Variants in ZNF594 observed in about 807,000 individuals in gnomAD.
ZNF594 encodes the protein zinc finger protein HZF18.
For missense variants in ZNF594, 1,037 were observed against 964.6 expected (o/e 1.08, Z -0.99); for synonymous variants, 336 against 309.4 (o/e 1.09, Z -0.90).
chr17:5,176,732 T>A (rs2074310539), downstream of ZNF594, among the ~76,000 whole-genome samples: 1 of 151,238 alleles, frequency 6.6e-6, no homozygotes, highest in South Asian at 2.1e-4. Flanking sequence ...AGAGAGAAAT[T>A]TACAGCCTTA....
At chr17:5,176,395 C>CAAAA (rs34510280), downstream of ZNF594, among the ~76,000 whole-genome samples, 3 of 85,616 alleles carry the variant, frequency 3.5e-5, no homozygotes, top group African/African-American at 8.9e-5. Flanking sequence ...AACTCTGTCT[C>CAAAA]AAAAAAAAAA....
chr17:5,190,192 A>C (rs1252161529), intron 1 of ZNF594, among the ~76,000 whole-genome samples: 1 of 152,134 alleles, frequency 6.6e-6, no homozygotes, highest in Non-Finnish European at 1.5e-5. Context: ...CATGGAGAGA[A>C]ATCCTGTGTC....
rs865951500 is a variant in ZNF594, at chr17:5,182,614, G to A, written c.1643C>T (p.Thr548Ile). The A allele has an allele frequency of 6.2e-7, 1 of 1,613,270 alleles. No individual in the cohort carries two copies. The highest frequency in any genetic ancestry group is 1.3e-5 in the African/African-American group (1 of 74,772). The change falls in exon 2 of 2, where the codon ACC becomes ATC. Residue 548 changes from threonine to isoleucine, a missense_variant. Coordinates refer to ENST00000575779, the MANE Select transcript of ZNF594 (RefSeq NM_032530.2). ...CCTAAGCTCCTCATCCTGGCTGAAG[G>A]TTTTCTCACATTCAAGTTTCTCTCC... is the stretch of plus-strand genomic sequence containing the variant. ...HTGEKLECEK[T>I]FSQDEELRGE...
At chr17:5,175,137 CTG>C (rs2074296212), downstream of ZNF594, 1 of 163,878 alleles carries the variant, frequency 6.1e-6, no homozygotes, top group South Asian at 2.0e-4. Flanking sequence ...GTTGGAAACT[CTG>C]TAGAGCAGGA....
Position 5,182,496 on chromosome 17 carries a change from C to G in ZNF594, c.1761G>C (p.Gln587His). 6.2e-7 allele frequency: 1 copy of G among 1,613,922 alleles called. No individual in the cohort carries two copies. Among genetic ancestry groups the G allele is most frequent in the Non-Finnish European group, 8.5e-7 (1 of 1,179,994 alleles). The change falls in exon 2 of 2, where the codon CAG (glutamine) becomes CAC (histidine). Residue 587 changes from glutamine to histidine, a missense_variant. By Grantham distance (24) the Gln-to-His change is conservative. Transcript: ENST00000575779. ...ATGGTTTCTCTCTTGTATGAGTTAC[C>G]TGATGTCTGATGAGGTCTGAGCTGC... ...FQGSSDLIRH[Q>H]VTHTREKPYE...
In ZNF594 at chr17:5,184,029, G is replaced by T; in HGVS notation, c.228C>A (p.Ala76=). 6.2e-7 allele frequency: 1 copy of T among 1,614,108 alleles called. No homozygotes were observed. The highest frequency in any genetic ancestry group is 8.5e-7 in the Non-Finnish European group (1 of 1,180,010). The change falls in exon 2 of 2, where the codon GCC becomes GCA. Residue 76 remains alanine, a synonymous_variant. Transcript: ENST00000575779. ...ATCCATGGCCAATCTCTCCCACAAT[G>T]GCTTTCTGGGGGATAATATGCATTT... The part of the protein sequence containing the change: ...IREMHIIPQK[A]IVGEIGHGCN...
intron 1 of ZNF594, among the ~76,000 whole-genome samples, chr17:5,189,952 C>T (rs1278276098): frequency 2.0e-5 from 3 of 152,116 alleles, no homozygotes; most frequent in African/African-American, 7.2e-5. Context: ...ATAATCACTA[C>T]AAGGTCACAA....
At chr17:5,184,454 CCT>C in intron 1 of ZNF594, 178 bp from the exon 2 acceptor site, 1 of 673,038 alleles carries the variant, frequency 1.5e-6, no homozygotes, top group Non-Finnish European at 2.4e-6. Flanking sequence ...TACCACATAC[CCT>C]GTTGGTGAAA....
At position 5,183,243 on chromosome 17, in the gene ZNF594, A is replaced by G. The variant is rs752969949; in HGVS notation, c.1014T>C (p.Phe338=). 1.2e-6 allele frequency: 2 copies of G among 1,614,006 alleles called. No homozygotes were observed. Among genetic ancestry groups the G allele is most frequent in the Admixed American group, 1.7e-5 (1 of 60,026 alleles). Residue 338 remains phenylalanine, a synonymous_variant, in exon 2 of 2, where the codon TTT becomes TTC. Coordinates refer to ENST00000575779, the MANE Select transcript of ZNF594 (RefSeq NM_032530.2). ...CAGCATGCAATCTCTGATGTTTAAG[A>G]AAAGCTGTGCGCCCACTGAAGGTCT... is the stretch of plus-strand genomic sequence containing the variant. ...CGKTFSGRTA[F]LKHQRLHAGE... is the part of the protein sequence containing the mutation.
rs1306606627 is a variant in ZNF594, at chr17:5,181,544, T to C, written c.*289A>G. On this transcript the variant is annotated 3_prime_UTR_variant, in exon 2 of 2. Transcript: ENST00000575779. ...TGTGCCACATGAAGAGTTTCCCACA[T>C]TCCTTACATTCATAGGGTTTCTCAC... is the stretch of plus-strand genomic sequence containing the variant. The C allele has an allele frequency of 6.2e-7, 1 of 1,613,950 alleles. No individual in the cohort carries two copies. The highest frequency in any genetic ancestry group is 8.5e-7 in the Non-Finnish European group (1 of 1,179,878).
At position 5,182,715 on chromosome 17, in the gene ZNF594, T is replaced by C; in HGVS notation, c.1542A>G (p.Lys514=). 12 of 1,613,848 alleles carry C rather than the reference T, an allele frequency of 7.4e-6. No homozygotes were observed. Among genetic ancestry groups the C allele is most frequent in the East Asian group, 2.2e-5 (1 of 44,824 alleles). The change falls in exon 2 of 2, where the codon AAA becomes AAG. Residue 514 remains lysine (K), a synonymous_variant. Transcript: ENST00000575779. The part of the protein sequence containing the change: ...IQHRRIHSGE[K]PYECKECGKL... ...TCCCACATTCCTTACATTCATAGGGTTTCTCACCACTATGAATTCTCCGAT... is the reference window on the plus strand; with the variant it reads ...TCCCACATTCCTTACATTCATAGGGCTTCTCACCACTATGAATTCTCCGAT...
rs2074333529 is a variant in ZNF594 at position 5,180,784 on chromosome 17, C to A, written c.*1049G>T. The A allele has an allele frequency of 6.1e-6, 2 of 325,944 alleles. No homozygotes were observed. The highest frequency in any genetic ancestry group is 2.2e-5 in the African/African-American group (1 of 46,032). The allele number at this position is 325,944 out of a possible 1,614,324, so 20.2% of individuals were successfully genotyped here. On this transcript the variant is annotated 3_prime_UTR_variant, in exon 2 of 2. Coordinates refer to ENST00000575779, the MANE Select transcript of ZNF594 (RefSeq NM_032530.2). The stretch of plus-strand genomic sequence containing the variant: ...TGTCCAAGAGCTTTTGGCTTTTCCA[C>A]TTGATTATACTTACGTTTGAAAAAT...
intron 1 of ZNF594, among the ~76,000 whole-genome samples, chr17:5,187,905 T>A (rs961431335): frequency 6.7e-6 from 1 of 148,858 alleles, no homozygotes; most frequent in African/African-American, 2.5e-5. Flanking sequence ...TTTTTTTTTT[T>A]AGAGATATGG....
At chr17:5,185,096 C>T (rs982400506) in intron 1 of ZNF594, among the ~76,000 whole-genome samples, 2 of 152,142 alleles carry the variant, frequency 1.3e-5, no homozygotes, top group African/African-American at 4.8e-5. Flanking sequence ...AATTTGATTT[C>T]TTCTGAAATT....
rs2074364876 is a variant in ZNF594, at chr17:5,183,599, A to C, written c.658T>G (p.Phe220Val). The change falls in exon 2 of 2, where the codon TTT becomes GTT. Residue 220 changes from phenylalanine to valine, a missense_variant. Phe to Val is a conservative substitution (Grantham distance 50). Coordinates refer to ENST00000575779, the MANE Select transcript of ZNF594 (RefSeq NM_032530.2). ...AGGACAAGGTTTGAGCTTCCCTTAAAAGCCTTCCCACACTCTTTGCACTCA... is the reference window on the plus strand; with the variant it reads ...AGGACAAGGTTTGAGCTTCCCTTAACAGCCTTCCCACACTCTTTGCACTCA... ...PYECKECGKA[F>V]KGSSNLVLHQ... 1 of 1,614,052 alleles carries C rather than the reference A, an allele frequency of 6.2e-7. No homozygotes were observed. Among genetic ancestry groups the C allele is most frequent in the Non-Finnish European group, 8.5e-7 (1 of 1,180,034 alleles).
intron 1 of ZNF594, among the ~76,000 whole-genome samples, chr17:5,185,142 C>A (rs16954468): frequency 6.6e-6 from 1 of 152,148 alleles, no homozygotes; most frequent in African/African-American, 2.4e-5. Flanking sequence ...TGAGGGTCCA[C>A]GTTATCAAAT....
chr17:5,176,395 CA>C (rs34510280), downstream of ZNF594, among the ~76,000 whole-genome samples: 52,215 of 85,872 alleles, frequency 0.61, 12,331 homozygotes, highest in Middle Eastern at 0.67. Context: ...AACTCTGTCT[CA>C]AAAAAAAAAA....
At chr17:5,178,207 C>T (rs570367787), downstream of ZNF594, among the ~76,000 whole-genome samples, 3 of 151,584 alleles carry the variant, frequency 2.0e-5, no homozygotes, top group East Asian at 3.9e-4. Context: ...TGAATTAAAC[C>T]ACATATGGAA....
chr17:5,188,960 G>T (rs760323878), intron 1 of ZNF594, among the ~76,000 whole-genome samples: 4 of 151,836 alleles, frequency 2.6e-5, no homozygotes, highest in Non-Finnish European at 5.9e-5. Context: ...CATTAGCCAG[G>T]ATGGTCTCGA....
Sources: allele counts gnomAD v4.1 joint callset (sites outside exome capture counted in the v4.1 genomes callset), GRCh38; gene constraint gnomAD v4.1.1; transcripts MANE v1.5; gene names NCBI Gene and HGNC (gene_info 2026-07-23, HGNC 2026-07-21).